Variants in TPPP2 observed in about 807,000 individuals in gnomAD.
TPPP2 encodes the protein tubulin polymerization promoting protein family member 2.
A neutral mutation model predicts 13.0 loss-of-function variants in TPPP2; 8 were observed. The observed-to-expected ratio is 0.62, with a 90% CI of 0.36 to 1.11. The LOEUF (loss-of-function observed/expected upper bound fraction) is 1.11, where lower values mean the gene tolerates loss of function less well. Ranked by LOEUF, TPPP2 falls within the 50% of genes most tolerant of loss-of-function variation. TPPP2 has a pLI of 0.02. For missense variants in TPPP2, 213 were observed against 216.9 expected, an observed-to-expected ratio of 0.98 and a Z score of 0.11; for synonymous variants, 81 against 81.8, an observed-to-expected ratio of 0.99 and a Z score of 0.05.
chr14:21,033,044 T>G (rs867936831), downstream of TPPP2: 37 of 451,368 alleles, frequency 8.2e-5, no homozygotes, highest in African/African-American at 7.5e-4. Context: ...GAGGAGCTTC[T>G]GGAAGAGAAG....
downstream of TPPP2, chr14:21,034,296 G>C (rs1884468421): frequency 6.2e-7 from 1 of 1,602,112 alleles, no homozygotes; most frequent in African/African-American, 1.3e-5. Flanking sequence ...CATTCCTCCT[G>C]CTGGTAGAGT....
chr14:21,024,953 CG>C (rs1883058633), intron 1 of TPPP2: 1 of 985,486 alleles, frequency 1.0e-6, no homozygotes, highest in African/African-American at 1.7e-5. Flanking sequence ...CCAGGGGACG[CG>C]GATCAATCAC....
chr14:21,035,525 T>C (rs1214593300), downstream of TPPP2, among the ~76,000 whole-genome samples: 1 of 152,232 alleles, frequency 6.6e-6, no homozygotes, highest in East Asian at 1.9e-4. Flanking sequence ...CTTGTTAGTC[T>C]GCAAGGTGTC....
rs1042675940 is a variant in TPPP2, at chr14:21,032,104, C to T, written c.*27C>T. The T allele has an allele frequency of 6.2e-7, 1 of 1,602,240 alleles. No homozygotes were observed. Among genetic ancestry groups the T allele is most frequent in the Admixed American group, 1.7e-5 (1 of 59,686 alleles). On this transcript the variant is annotated 3_prime_UTR_variant, in exon 4 of 4. Coordinates refer to ENST00000321760, the MANE Select transcript of TPPP2 (RefSeq NM_173846.5). ...GAGGAGCTTCATCTCAGCCTGCTAG[C>T]CCCCTGACCCTGCATGTTTAACACC...
upstream of TPPP2, chr14:21,025,703 G>A: frequency 1.0e-6 from 1 of 984,590 alleles, no homozygotes; most frequent in Admixed American, 6.2e-5. The surrounding 1 kb of genome is among the most constrained non-coding windows in gnomAD (Gnocchi z 5.1). Context: ...GCGTCCCGAC[G>A]CCTGCTCTCC....
At position 21,031,079 on chromosome 14, in the gene TPPP2, C is replaced by A. The variant is rs565764016; in HGVS notation, c.241C>A (p.Arg81Ser). The A allele has an allele frequency of 7.4e-6, 12 of 1,614,126 alleles. No individual in the cohort carries two copies. In the Admixed American group the frequency reaches 1.5e-4, roughly 20 times the overall value. ...KEAVKELGQK[R>S]FKGKSPDEVL... ...GGCAGTGAAGGAACTGGGCCAGAAG[C>A]GCTTCAAAGGGAAGAGTCCAGATGA... is the stretch of plus-strand genomic sequence containing the variant. The change falls in exon 3 of 4, where the codon CGC becomes AGC. Residue 81 changes from arginine to serine, a missense_variant. Arg to Ser is a moderately radical substitution (Grantham distance 110). Coordinates refer to ENST00000321760, the MANE Select transcript of TPPP2 (RefSeq NM_173846.5).
At position 21,031,052 on chromosome 14, in the gene TPPP2, G is replaced by C; in HGVS notation, c.214G>C (p.Glu72Gln). The C allele has an allele frequency of 6.2e-7, 1 of 1,614,044 alleles. No homozygotes were observed. Among genetic ancestry groups the C allele is most frequent in the Non-Finnish European group, 8.5e-7 (1 of 1,179,998 alleles). Residue 72 changes from glutamate (E) to glutamine (Q), a missense_variant, in exon 3 of 4, where the codon GAG becomes CAG. Transcript: ENST00000321760. ...ARTITFQQFK[E>Q]AVKELGQKRF... ...AACCATCACGTTTCAACAGTTCAAA[G>C]AGGCAGTGAAGGAACTGGGCCAGAA... is the stretch of plus-strand genomic sequence containing the variant.
At chr14:21,034,607 G>A (rs1442191572), downstream of TPPP2, 2 of 291,420 alleles carry the variant, frequency 6.9e-6, no homozygotes, top group South Asian at 1.2e-4. Flanking sequence ...TGGGCCCCTG[G>A]CACTCCTGCT....
At chr14:21,033,892 T>C, downstream of TPPP2, 2 of 1,614,024 alleles carry the variant, frequency 1.2e-6, no homozygotes, top group Non-Finnish European at 1.7e-6. Context: ...AGGTAGAGCT[T>C]CTGGTTGGTT....
downstream of TPPP2, chr14:21,033,731 A>G (rs777260566): frequency 4.2e-6 from 4 of 962,726 alleles, no homozygotes; most frequent in Non-Finnish European, 5.1e-6. Flanking sequence ...CTCGTAAGTC[A>G]GGAAGGAAGT....
upstream of TPPP2, among the ~76,000 whole-genome samples, chr14:21,029,427 C>G (rs1160151202): frequency 6.6e-6 from 1 of 152,016 alleles, no homozygotes; most frequent in African/African-American, 2.4e-5. Flanking sequence ...ATGGCAAAAC[C>G]CCGTCTCTAC....
upstream of TPPP2, chr14:21,025,595 G>T: frequency 1.0e-6 from 1 of 985,628 alleles, no homozygotes; most frequent in Non-Finnish European, 1.2e-6. The surrounding 1 kb of genome is among the most constrained non-coding windows in gnomAD (Gnocchi z 5.1). Flanking sequence ...GGCAGGGGCA[G>T]GTGTGCTGGC....
At chr14:21,025,433 C>T (rs1345499284), upstream of TPPP2, 8 of 985,578 alleles carry the variant, frequency 8.1e-6, no homozygotes, top group Non-Finnish European at 8.4e-6. The surrounding 1 kb of genome is among the most constrained non-coding windows in gnomAD (Gnocchi z 5.1). Flanking sequence ...CCTTCGCCCC[C>T]AGACTCAGTG....
chr14:21,032,096 C>G lies in TPPP2; in HGVS notation c.*19C>G. On this transcript the variant is annotated 3_prime_UTR_variant, in exon 4 of 4. Transcript: ENST00000321760. ...CAAGTAGAGAGGAGCTTCATCTCAGCCTGCTAGCCCCCTGACCCTGCATGT... is the reference window on the plus strand; with the variant it reads ...CAAGTAGAGAGGAGCTTCATCTCAGGCTGCTAGCCCCCTGACCCTGCATGT... 6.2e-7 allele frequency: 1 copy of G among 1,606,946 alleles called. No individual in the cohort carries two copies. Among genetic ancestry groups the G allele is most frequent in the East Asian group, 2.2e-5 (1 of 44,712 alleles).
At chr14:21,028,029 A>G (rs1005936202), upstream of TPPP2, among the ~76,000 whole-genome samples, 3 of 152,214 alleles carry the variant, frequency 2.0e-5, no homozygotes, top group Non-Finnish European at 2.9e-5. Flanking sequence ...TACAGATGAG[A>G]AAATTGAAAC....
At chr14:21,030,325 A>G (rs954710684) in intron 1 of TPPP2, 21 bp downstream of exon 1, 2 of 470,110 alleles carry the variant, frequency 4.3e-6, no homozygotes, top group African/African-American at 3.9e-5. Context: ...GAGGTAGGGG[A>G]AAGAGAGGAT....
chr14:21,024,313 C>T, exon 1 of TPPP2: 4 of 985,330 alleles, frequency 4.1e-6, no homozygotes, highest in Non-Finnish European at 4.8e-6. Context: ...GTTCAGGCTG[C>T]GCGGAGGAGA....
chr14:21,035,726 C>A (rs1313514468), downstream of TPPP2: 5 of 455,070 alleles, frequency 1.1e-5, no homozygotes, highest in South Asian at 1.6e-5. Context: ...TCTGACAGCA[C>A]AAACCACAGT....
At chr14:21,026,714 C>T (rs1594466950), upstream of TPPP2, among the ~76,000 whole-genome samples, 2 of 152,168 alleles carry the variant, frequency 1.3e-5, no homozygotes, top group Admixed American at 1.3e-4. Flanking sequence ...ATTTGGAGCA[C>T]CCAACTTTTC....
Sources: gnomAD v4.1 joint callset for allele counts (sites outside exome capture counted in the v4.1 genomes callset) on GRCh38, gnomAD v4.1.1 for gene constraint, Gnocchi (gnomAD v3.1) non-coding constraint, MANE v1.5 for transcripts, NCBI Gene and HGNC (gene_info 2026-07-23, HGNC 2026-07-21) for gene names.